The following RIGI variants were observed in gnomAD, a reference collection of about 807,000 sequenced individuals.
RIGI encodes the protein antiviral innate immune response receptor RIG-I.
chr9:32,464,388 CT>C, the RIGI span, among the ~76,000 whole-genome samples: 1 of 151,872 alleles, frequency 6.6e-6, no homozygotes. Flanking sequence ...TTTACTAAGC[CT>C]TTTTTTGTTT....
chr9:32,481,534 A>T, the RIGI span: 2 of 1,418,052 alleles, frequency 1.4e-6, no homozygotes, highest in Admixed American at 4.5e-5. Flanking sequence ...TCACTGTCTC[A>T]TATGGTCAGT....
the RIGI span, chr9:32,487,954 T>C: frequency 6.2e-7 from 1 of 1,613,956 alleles, no homozygotes; most frequent in Non-Finnish European, 8.5e-7. Context: ...CCTGGGGCAG[T>C]GGGCCTGAAG....
the RIGI span, chr9:32,456,906 C>G: frequency 2.0e-6 from 1 of 500,636 alleles, no homozygotes; most frequent in Non-Finnish European, 3.5e-6. Flanking sequence ...TTTAATTTTT[C>G]CCAAGTACTA....
the RIGI span, among the ~76,000 whole-genome samples, chr9:32,501,633 G>A: frequency 6.6e-6 from 1 of 152,188 alleles, no homozygotes; most frequent in Non-Finnish European, 1.5e-5. Context: ...CCAGGGAGTA[G>A]TAATAAAAAT....
At chr9:32,483,632 G>A in the RIGI span, among the ~76,000 whole-genome samples, 1 of 151,998 alleles carries the variant, frequency 6.6e-6, no homozygotes, top group East Asian at 1.9e-4. Flanking sequence ...CTACCCAGTG[G>A]TTAGAGGGAG....
chr9:32,466,353 T>C, the RIGI span: 1 of 1,614,026 alleles, frequency 6.2e-7, no homozygotes, highest in Non-Finnish European at 8.5e-7. Context: ...TCATCATTTT[T>C]TCTTTGTACA....
At chr9:32,524,599 T>TTTTTTG in the RIGI span, among the ~76,000 whole-genome samples, 1 of 112,964 alleles carries the variant, frequency 8.9e-6, no homozygotes, top group African/African-American at 3.5e-5. Context: ...TTTTTCGGTT[T>TTTTTTG]TTTTTTTTTT....
the RIGI span, among the ~76,000 whole-genome samples, chr9:32,524,608 T>G: frequency 7.8e-6 from 1 of 128,936 alleles, no homozygotes; most frequent in East Asian, 2.1e-4. Flanking sequence ...TTTTTTTTTT[T>G]TTTTTTTTTT....
chr9:32,521,139 C>CAAAAAAAAAGAAAAAAAAAAAA, the RIGI span, among the ~76,000 whole-genome samples: 1 of 32,776 alleles, frequency 3.1e-5, no homozygotes, highest in Admixed American at 4.5e-4. Context: ...GACACCATCT[C>CAAAAAAAAAGAAAAAAAAAAAA]AAAAAAAAAA....
the RIGI span, chr9:32,459,347 G>T: frequency 1.2e-6 from 2 of 1,609,810 alleles, no homozygotes; most frequent in Non-Finnish European, 8.5e-7. Context: ...ACATGACCAG[G>T]CACTTTGTAA....
At chr9:32,483,478 A>G in the RIGI span, among the ~76,000 whole-genome samples, 2 of 152,058 alleles carry the variant, frequency 1.3e-5, no homozygotes, top group Non-Finnish European at 2.9e-5. Flanking sequence ...GGAGTAAGAA[A>G]ATAGAAACTC....
chr9:32,457,229 T>C, the RIGI span: 3 of 1,614,102 alleles, frequency 1.9e-6, no homozygotes, highest in Non-Finnish European at 2.5e-6. Context: ...ACCACAAAAC[T>C]TTCAATTTTT....
chr9:32,486,445 C>G, the RIGI span, among the ~76,000 whole-genome samples: 3 of 137,104 alleles, frequency 2.2e-5, no homozygotes. Context: ...CAGCACGAGA[C>G]TCTGTCTCAA....
At chr9:32,493,602 G>A in the RIGI span, among the ~76,000 whole-genome samples, 3 of 151,558 alleles carry the variant, frequency 2.0e-5, no homozygotes, top group South Asian at 2.1e-4. Context: ...CAGCCTGGGC[G>A]ACAGAGCGAG....
chr9:32,459,262 G>A, the RIGI span: 1 of 1,270,742 alleles, frequency 7.9e-7, no homozygotes, highest in Non-Finnish European at 1.1e-6. Context: ...ACAGATCATG[G>A]CCACAGTAAC....
At chr9:32,460,491 A>G in the RIGI span, among the ~76,000 whole-genome samples, 1 of 152,250 alleles carries the variant, frequency 6.6e-6, no homozygotes, top group African/African-American at 2.4e-5. Context: ...GAATGAAAAA[A>G]AAAGACAATC....
the RIGI span, among the ~76,000 whole-genome samples, chr9:32,497,220 T>C: frequency 1.3e-5 from 2 of 152,214 alleles, no homozygotes; most frequent in African/African-American, 4.8e-5. Context: ...CTTTCAGCAA[T>C]GTTTTGTTGT....
the RIGI span, chr9:32,498,228 C>G: frequency 4.4e-6 from 2 of 455,022 alleles, no homozygotes; most frequent in South Asian, 3.1e-5. Flanking sequence ...CTTCTGACAT[C>G]AGAGGGCCAA....
chr9:32,522,271 G>A, the RIGI span, among the ~76,000 whole-genome samples: 1 of 152,132 alleles, frequency 6.6e-6, no homozygotes, highest in Admixed American at 6.5e-5. Context: ...TAACCTTTAA[G>A]AATACAGTAT....
Sources: gnomAD v4.1 joint callset for allele counts (sites outside exome capture counted in the v4.1 genomes callset) on GRCh38, gnomAD v4.1.1 for gene constraint, MANE v1.5 for transcripts, NCBI Gene and HGNC (gene_info 2026-07-23, HGNC 2026-07-21) for gene names.